The following TMEM61 variants were observed in gnomAD, a reference collection of about 807,000 sequenced individuals.
TMEM61 encodes transmembrane protein 61.
Under a neutral mutation model 12.0 loss-of-function variants are expected in TMEM61, and 13 were observed. That is an observed-to-expected ratio of 1.08 (90% confidence interval 0.70 to 1.72). TMEM61 has a LOEUF of 1.72. Among genes scored for constraint, TMEM61 ranks in the 40% most tolerant of loss-of-function variants. The pLI is 0.00. For synonymous variants in TMEM61, 109 were observed against 121.4 expected (o/e 0.90, Z 0.67); for missense variants, 249 against 276.9 (o/e 0.90, Z 0.71).
chr1:54,991,636 G>C (rs1644298858), intron 2 of TMEM61, among the ~76,000 whole-genome samples, 200 bp from the exon 3 acceptor site: 1 of 152,230 alleles, frequency 6.6e-6, no homozygotes, highest in South Asian at 2.1e-4. Flanking sequence ...TATGGCGCAG[G>C]GAGTGGGTGG....
chr1:54,987,477 T>C (rs139819543), intron 2 of TMEM61, among the ~76,000 whole-genome samples: 1 of 152,272 alleles, frequency 6.6e-6, no homozygotes, highest in African/African-American at 2.4e-5. Flanking sequence ...CCAGATACAC[T>C]GTGTATTTGT....
Position 54,986,514 on chromosome 1 carries a change from G to A in TMEM61, c.365+68G>A, listed in dbSNP as rs1336213026. On this transcript the variant is annotated intron_variant, in intron 2 of 2. Transcript: ENST00000371268. The stretch of plus-strand genomic sequence containing the variant: ...GGGGCCCAGTCACACCAGCCCACCA[G>A]CCAGCATTTGTAATTCCAGCAAATT... The A allele has an allele frequency of 3.7e-6, 5 of 1,336,914 alleles. No homozygotes were observed. In the East Asian group the frequency reaches 1.2e-4, roughly 31 times the overall value. 82.8% of individuals were successfully genotyped at this position (1,336,914 alleles called of 1,614,324 possible).
At chr1:54,988,011 C>T (rs1037682011) in intron 2 of TMEM61, among the ~76,000 whole-genome samples, 1 of 152,254 alleles carries the variant, frequency 6.6e-6, no homozygotes, top group African/African-American at 2.4e-5. Flanking sequence ...ATTCAACCAA[C>T]CATGGATCCA....
intron 2 of TMEM61, among the ~76,000 whole-genome samples, chr1:54,991,530 T>C (rs1463946477): frequency 1.3e-5 from 2 of 152,158 alleles, no homozygotes; most frequent in Non-Finnish European, 2.9e-5. Flanking sequence ...CCTCAGCCCC[T>C]GGACTCTCAG....
intron 1 of TMEM61, 52 bp downstream of exon 1, chr1:54,981,132 C>T (rs1279632401): frequency 1.8e-5 from 28 of 1,557,836 alleles, no homozygotes; most frequent in Non-Finnish European, 2.3e-5. Context: ...CCCCTTCTGT[C>T]GTCGACCTTG....
chr1:54,990,824 A>G (rs1205185433), intron 2 of TMEM61, among the ~76,000 whole-genome samples: 2 of 152,144 alleles, frequency 1.3e-5, no homozygotes, highest in Non-Finnish European at 2.9e-5. Context: ...GGCAGGTGCC[A>G]CTACCATCCC....
rs549057014 is a variant in TMEM61, at chr1:54,992,197, C to T, written c.*94C>T. On this transcript the variant is annotated 3_prime_UTR_variant, in exon 3 of 3. Coordinates refer to ENST00000371268, the MANE Select transcript of TMEM61 (RefSeq NM_182532.3). ...TGGGACACAGTAGGCACTCAGCAAA[C>T]GTTCGTTGTTGAAGGCTGTTCTATT... The T allele has an allele frequency of 2.8e-5, 41 of 1,456,022 alleles. No individual in the cohort carries two copies. The East Asian group carries it at 6.2e-4, about 22-fold the overall frequency. The allele number at this position is 1,456,022 out of a possible 1,614,324, so 90.2% of individuals were successfully genotyped here. A position where few individuals can be genotyped will look rare whatever the true frequency, so the allele number is the denominator to read the frequency against.
At chr1:54,982,487 C>G (rs936002832) in intron 1 of TMEM61, among the ~76,000 whole-genome samples, 2 of 152,208 alleles carry the variant, frequency 1.3e-5, no homozygotes, top group Non-Finnish European at 2.9e-5. Context: ...CCACCCCAAC[C>G]GTCCCCCAGG....
At chr1:54,987,552 T>G (rs1644269044) in intron 2 of TMEM61, among the ~76,000 whole-genome samples, 1 of 152,212 alleles carries the variant, frequency 6.6e-6, no homozygotes, top group Non-Finnish European at 1.5e-5. Context: ...CAAGAACCAA[T>G]GTGTGTCCTG....
At chr1:54,981,154 TC>T in intron 1 of TMEM61, 74 bp downstream of exon 1, 1 of 1,499,988 alleles carries the variant, frequency 6.7e-7, no homozygotes. Context: ...CCCGACCCCT[TC>T]CCCTAACCTC....
At position 54,983,377 on chromosome 1, in the gene TMEM61, C is replaced by T. The variant is rs1182068172; in HGVS notation, c.15+2297C>T. 3.9e-5 allele frequency among the ~76,000 whole-genome samples: 6 copies of T among 152,186 alleles called. No homozygotes were observed. The South Asian group carries it at 1.2e-3, about 32-fold the overall frequency. ...ACCTCAGGTGATCCACCCACCTCGGCCTCCCAAAGTACTGGGATTACAGGT... is the reference window on the plus strand; with the variant it reads ...ACCTCAGGTGATCCACCCACCTCGGTCTCCCAAAGTACTGGGATTACAGGT... On this transcript the variant is annotated intron_variant, in intron 1 of 2. Coordinates refer to ENST00000371268, the MANE Select transcript of TMEM61 (RefSeq NM_182532.3).
At chr1:54,982,317 C>T (rs1644228443) in intron 1 of TMEM61, among the ~76,000 whole-genome samples, 1 of 152,144 alleles carries the variant, frequency 6.6e-6, no homozygotes, top group Admixed American at 6.5e-5. Context: ...GCAGAGGGCG[C>T]TCCAGGTGGA....
rs1353535495 is a variant in TMEM61, at chr1:54,986,197, G to A, written c.116G>A (p.Ser39Asn). ...GGGACGCTCTGCTTCGCTTGGTGGA[G>A]CGAAGGGGATGCAACCGCCCAGCCT... ...VAGTLCFAWW[S>N]EGDATAQPGQ... The change falls in exon 2 of 3, where the codon AGC becomes AAC. Residue 39 changes from serine (S) to asparagine (N), a missense_variant. Physicochemically the swap from Ser to Asn is conservative, Grantham distance 46. Transcript: ENST00000371268. The A allele has an allele frequency of 1.2e-6, 2 of 1,613,784 alleles. No individual in the cohort carries two copies. Among genetic ancestry groups the A allele is most frequent in the Admixed American group, 1.7e-5 (1 of 59,998 alleles).
chr1:54,991,190 C>T (rs1036184736), intron 2 of TMEM61, among the ~76,000 whole-genome samples: 1 of 152,202 alleles, frequency 6.6e-6, no homozygotes, highest in African/African-American at 2.4e-5. Flanking sequence ...AGAACTTGGT[C>T]TCTGCCTCAA....
At chr1:54,983,114 TTTTTTTTG>T (rs1407288262) in intron 1 of TMEM61, among the ~76,000 whole-genome samples, 2 of 128,166 alleles carry the variant, frequency 1.6e-5, no homozygotes, top group Non-Finnish European at 3.5e-5. Flanking sequence ...GCTTTGTTTT[TTTTTTTTG>T]TTTTTTTTTG....
At chr1:54,983,374 C>T (rs576484478) in intron 1 of TMEM61, among the ~76,000 whole-genome samples, 3 of 152,136 alleles carry the variant, frequency 2.0e-5, no homozygotes, top group East Asian at 3.9e-4. Context: ...CCACCCACCT[C>T]GGCCTCCCAA....
intron 1 of TMEM61, among the ~76,000 whole-genome samples, chr1:54,985,186 AC>A (rs1333241788): frequency 1.3e-5 from 2 of 151,810 alleles, no homozygotes; most frequent in Non-Finnish European, 2.9e-5. Flanking sequence ...CCAAATTATG[AC>A]CATTATTAAT....
rs759615637 is a variant in TMEM61 at position 54,991,935 on chromosome 1, C to A, written c.465C>A (p.Ala155=). ...CACCTGCATACCCTACGGAGGAAGC[C>A]CTGGAGCCAAGTGGATCGAGGGATG... ...PTPPAYPTEE[A]LEPSGSRDAL... is the part of the protein sequence containing the mutation. The change falls in exon 3 of 3, where the codon GCC becomes GCA. Residue 155 remains alanine (A), a synonymous_variant. Coordinates refer to ENST00000371268, the MANE Select transcript of TMEM61 (RefSeq NM_182532.3). 1.2e-6 allele frequency: 2 copies of A among 1,614,182 alleles called. No individual in the cohort carries two copies. The highest frequency in any genetic ancestry group is 2.2e-5 in the South Asian group (2 of 91,084).
chr1:54,986,304 G>C lies in TMEM61; in HGVS notation c.223G>C (p.Gly75Arg). ...CAGGTCCGTCAGCTTCGTCTGCTGC[G>C]GTGCAGGTGGCCTGCTGCTGCTCAT... ...LLRSVSFVCC[G>R]AGGLLLLIGL... Residue 75 changes from glycine (G) to arginine (R), a missense_variant, in exon 2 of 3, where the codon GGT becomes CGT. Gly to Arg is a moderately radical substitution (Grantham distance 125). Coordinates refer to ENST00000371268, the MANE Select transcript of TMEM61 (RefSeq NM_182532.3). 1 of 1,614,006 alleles carries C rather than the reference G, an allele frequency of 6.2e-7. No individual in the cohort carries two copies. The highest frequency in any genetic ancestry group is 8.5e-7 in the Non-Finnish European group (1 of 1,180,020).
Sources: allele counts gnomAD v4.1 joint callset (sites outside exome capture counted in the v4.1 genomes callset), GRCh38; gene constraint gnomAD v4.1.1; transcripts MANE v1.5; gene names NCBI Gene and HGNC (gene_info 2026-07-23, HGNC 2026-07-21).